SPATA13: variants seen among roughly 807,000 people sequenced by gnomAD.
SPATA13 encodes the protein spermatogenesis-associated protein 13.
Under a neutral mutation model 104.0 loss-of-function variants are expected in SPATA13, and 50 were observed. The observed-to-expected ratio is 0.48, with a 90% CI of 0.38 to 0.61. SPATA13 has a LOEUF of 0.61. SPATA13 is among the 20% of genes least tolerant of loss of function. The probability of loss-of-function intolerance (pLI) is 0.00; values close to 1 mark genes in which losing one functional copy is unlikely to be tolerated. For synonymous variants in SPATA13, 606 were observed against 667.5 expected (o/e 0.91, Z 1.42); for missense variants, 1,524 against 1,690.6 (o/e 0.90, Z 1.73).
At chr13:24,243,077 A>C (rs986126368) in intron 2 of SPATA13, among the ~76,000 whole-genome samples, 34 of 152,322 alleles carry the variant, frequency 2.2e-4, no homozygotes, top group African/African-American at 7.2e-4. Context: ...GTTGTTATCT[A>C]ACCCGGGAGT....
intron 3 of SPATA13, among the ~76,000 whole-genome samples, chr13:24,251,084 G>T (rs1216707596): frequency 6.6e-6 from 1 of 152,202 alleles, no homozygotes; most frequent in Non-Finnish European, 1.5e-5. Flanking sequence ...TAGTTTTAGG[G>T]ATCGCTATTA....
intron 3 of SPATA13, among the ~76,000 whole-genome samples, chr13:24,125,447 G>C (rs1291574762): frequency 2.0e-5 from 3 of 152,096 alleles, no homozygotes; most frequent in Admixed American, 2.0e-4. Context: ...TGTACTGCAG[G>C]TTTCTCCTTT....
chr13:24,251,974 C>T (rs572888040), intron 4 of SPATA13, 112 bp downstream of exon 4: 43 of 1,372,124 alleles, frequency 3.1e-5, no homozygotes, highest in Middle Eastern at 1.9e-4. Flanking sequence ...GGCCAGGGCG[C>T]GTTTGTCTGG....
chr13:24,200,108 A>G (rs1163776426), intron 1 of SPATA13, among the ~76,000 whole-genome samples: 1 of 152,216 alleles, frequency 6.6e-6, no homozygotes, highest in African/African-American at 2.4e-5. Context: ...AGACTTGTAC[A>G]AACCCCTTCA....
intron 4 of SPATA13, among the ~76,000 whole-genome samples, chr13:24,261,313 G>A (rs773725320): frequency 3.3e-5 from 5 of 152,214 alleles, no homozygotes; most frequent in Non-Finnish European, 7.3e-5. Flanking sequence ...TGGCTGACAA[G>A]GAGCCTAGGA....
At chr13:24,251,896 C>G (rs1873509853) in intron 4 of SPATA13, 34 bp downstream of exon 4, 2 of 1,597,918 alleles carry the variant, frequency 1.3e-6, no homozygotes, top group Non-Finnish European at 8.5e-7. Context: ...TTCAGAGCTG[C>G]TATGGGCCCA....
At chr13:24,287,838 G>A (rs1041510204) in intron 7 of SPATA13, among the ~76,000 whole-genome samples, 4 of 152,140 alleles carry the variant, frequency 2.6e-5, no homozygotes, top group African/African-American at 7.2e-5. Context: ...GATTGTGTAC[G>A]AGCATCACAC....
Position 24,096,043 on chromosome 13 carries a change from G to A in SPATA13, c.-112+78342G>A, listed in dbSNP as rs190078776. On this transcript the variant is annotated intron_variant, in intron 3 of 14. Coordinates refer to the SPATA13 transcript ENST00000424834. ...TCACTTCCCAGCTAAGCCTGGTGGC[G>A]TCCTTTATCTCCCAGAGCCCTCACT... 4.6e-5 allele frequency among the ~76,000 whole-genome samples: 7 copies of A among 152,244 alleles called. No individual in the cohort carries two copies. In the East Asian group the frequency reaches 5.8e-4, roughly 13 times the overall value.
chr13:24,264,790 C>T (rs1340700608), intron 4 of SPATA13, among the ~76,000 whole-genome samples: 2 of 152,204 alleles, frequency 1.3e-5, no homozygotes, highest in African/African-American at 4.8e-5. Context: ...TCCACGTGTG[C>T]TTACAGAGAA....
chr13:24,256,082 A>G (rs1429023467), intron 4 of SPATA13, among the ~76,000 whole-genome samples: 2 of 152,214 alleles, frequency 1.3e-5, no homozygotes, highest in Non-Finnish European at 2.9e-5. Context: ...TTGAAACAAT[A>G]TTGGCAAAAG....
In SPATA13 at chr13:24,178,990, A is replaced by G. The variant is rs117501111; in HGVS notation, c.-112+18058A>G. 5.1e-3 allele frequency among the ~76,000 whole-genome samples: 784 copies of G among 152,254 alleles called. 1 individual carries two copies. Among genetic ancestry groups the G allele is most frequent in the Non-Finnish European group, 8.3e-3 (563 of 68,010 alleles). ...ACTCATCTATAGTCTGTCCCTCTAC[A>G]TTTGACTATTCTAGACATTTCAATA... On this transcript the variant is annotated intron_variant, in intron 1 of 12. Transcript: ENST00000382108.
chr13:24,298,073 C>T (rs1351934839), intron 11 of SPATA13, among the ~76,000 whole-genome samples: 2 of 152,164 alleles, frequency 1.3e-5, no homozygotes, highest in Non-Finnish European at 2.9e-5. Context: ...ATGGAACTGG[C>T]CCACTCTTGC....
Position 23,999,286 on chromosome 13 carries a change from TC to T in SPATA13, c.-147+15355del, listed in dbSNP as rs143737974. ...TCTCAAAATCAAGTGCTATAGGTCC[TC>T]CATTTTTTTCCAAGTCTGTTTTGGT... is the stretch of plus-strand genomic sequence containing the variant. On this transcript the variant is annotated intron_variant, in intron 2 of 14. Transcript: ENST00000424834. Among the ~76,000 whole-genome samples, 1,325 of 150,878 alleles carry T rather than the reference TC, an allele frequency of 8.8e-3. 13 individuals are homozygous for T. The highest frequency in any genetic ancestry group is 0.03 in the African/African-American group (1,251 of 41,032).
chr13:24,086,448 T>G (rs1879722247), intron 3 of SPATA13, among the ~76,000 whole-genome samples: 1 of 151,926 alleles, frequency 6.6e-6, no homozygotes, highest in Non-Finnish European at 1.5e-5. Flanking sequence ...GGGCTGCTCA[T>G]AGGGAAACGT....
intron 2 of SPATA13, among the ~76,000 whole-genome samples, chr13:23,994,865 A>G (rs1157564120): frequency 1.3e-5 from 2 of 152,326 alleles, no homozygotes; most frequent in African/African-American, 2.4e-5. Context: ...AAGGCAGATT[A>G]AAAGTTAAAA....
At chr13:23,992,189 T>C (rs994905841) in intron 2 of SPATA13, among the ~76,000 whole-genome samples, 6 of 152,154 alleles carry the variant, frequency 3.9e-5, no homozygotes, top group African/African-American at 1.4e-4. Flanking sequence ...AGTCCAACCA[T>C]GTGCTGTCAA....
At chr13:23,982,198 G>A (rs903670850) in intron 1 of SPATA13, among the ~76,000 whole-genome samples, 9 of 152,072 alleles carry the variant, frequency 5.9e-5, no homozygotes, top group Non-Finnish European at 1.0e-4. Flanking sequence ...CTTTCCACTT[G>A]CAGCCACATT....
intron 2 of SPATA13, among the ~76,000 whole-genome samples, chr13:23,986,970 A>G (rs1000460442): frequency 1.3e-5 from 2 of 150,202 alleles, no homozygotes; most frequent in Non-Finnish European, 3.0e-5. Flanking sequence ...CAAGTTTCAA[A>G]TCTTGTTATT....
At chr13:24,290,958 A>G in intron 9 of SPATA13, 74 bp downstream of exon 9, 1 of 1,232,830 alleles carries the variant, frequency 8.1e-7, no homozygotes, top group Non-Finnish European at 1.2e-6. Context: ...AACTCCAGGC[A>G]GTGATAGGTG....
Sources: gnomAD v4.1 joint callset for allele counts (sites outside exome capture counted in the v4.1 genomes callset) on GRCh38, gnomAD v4.1.1 for gene constraint, MANE v1.5 for transcripts, NCBI Gene and HGNC (gene_info 2026-07-23, HGNC 2026-07-21) for gene names.